The following PATJ variants were observed in gnomAD, a reference collection of about 807,000 sequenced individuals.
PATJ encodes the protein inaD-like protein.
PATJ carries 190 observed loss-of-function variants against 224.9 expected under a neutral mutation model. That is an observed-to-expected ratio of 0.84 (90% confidence interval 0.75 to 0.95). The LOEUF is 0.95. Among genes scored for constraint, PATJ ranks in the 40% least tolerant of loss-of-function variants. PATJ has a pLI of 0.00. For missense variants in PATJ, 2,121 were observed against 2,270.3 expected, an observed-to-expected ratio of 0.93 and a Z score of 1.34; for synonymous variants, 769 against 820.3, an observed-to-expected ratio of 0.94 and a Z score of 1.07.
intron 1 of PATJ, among the ~76,000 whole-genome samples, chr1:61,742,762 G>C (rs1644823073): frequency 6.6e-6 from 1 of 150,542 alleles, no homozygotes; most frequent in South Asian, 2.1e-4. Flanking sequence ...AGGATGGGGC[G>C]CCCGCGGCGT....
intron 26 of PATJ, among the ~76,000 whole-genome samples, chr1:61,926,825 CATTGGCCACTT>C (rs1293639619): frequency 1.3e-5 from 2 of 152,206 alleles, no homozygotes; most frequent in Non-Finnish European, 2.9e-5. Flanking sequence ...ATGGACCACT[CATTGGCCACTT>C]ACTGAAGTGT....
chr1:61,937,830 A>G (rs1443373476), intron 27 of PATJ, among the ~76,000 whole-genome samples: 1 of 151,958 alleles, frequency 6.6e-6, no homozygotes, highest in African/African-American at 2.4e-5. Flanking sequence ...TTGTGTTTTT[A>G]GTAGCGATAG....
At chr1:62,097,365 C>T (rs1017949451) in intron 33 of PATJ, among the ~76,000 whole-genome samples, 2 of 152,130 alleles carry the variant, frequency 1.3e-5, no homozygotes, top group Non-Finnish European at 2.9e-5. Context: ...TTTCCAGATT[C>T]CTTGAATCCA....
intron 29 of PATJ, among the ~76,000 whole-genome samples, chr1:62,032,069 T>A (rs1649423748): frequency 6.6e-6 from 1 of 152,178 alleles, no homozygotes; most frequent in Non-Finnish European, 1.5e-5. Context: ...TAGGTCAGAA[T>A]GCTGGCATGA....
chr1:61,856,286 G>A (rs776660083), intron 18 of PATJ, 47 bp downstream of exon 18: 3 of 1,471,230 alleles, frequency 2.0e-6, no homozygotes, highest in South Asian at 1.1e-5. Flanking sequence ...TAGTGCAACA[G>A]TTAAAAACAT....
intron 34 of PATJ, among the ~76,000 whole-genome samples, chr1:62,113,260 G>A (rs893281208): frequency 6.6e-6 from 1 of 152,148 alleles, no homozygotes; most frequent in Admixed American, 6.6e-5. Context: ...AAGACTTCAA[G>A]GGGTCTTGGA....
intron 25 of PATJ, among the ~76,000 whole-genome samples, chr1:61,913,060 G>A (rs1259545702): frequency 1.3e-5 from 2 of 152,194 alleles, no homozygotes; most frequent in Non-Finnish European, 2.9e-5. Flanking sequence ...TAAATGACAC[G>A]TTTCTGAGAC....
intron 15 of PATJ, among the ~76,000 whole-genome samples, chr1:61,826,340 G>T (rs1329639107): frequency 6.6e-6 from 1 of 152,200 alleles, no homozygotes; most frequent in African/African-American, 2.4e-5. Context: ...GTAAAGTCAG[G>T]CTGGCCAGTT....
At chr1:62,032,502 T>C (rs953415576) in intron 29 of PATJ, among the ~76,000 whole-genome samples, 1 of 152,206 alleles carries the variant, frequency 6.6e-6, no homozygotes, top group Non-Finnish European at 1.5e-5. Context: ...AGTTTAATTA[T>C]GGAAGTGAAA....
chr1:62,113,643 TAAAC>T lies in PATJ; in HGVS notation c.4462-406_4462-403del, dbSNP rs139112006. On this transcript the variant is annotated intron_variant, in intron 34 of 43. Transcript: ENST00000642238. ...CAGAGCAAGACCCTATCTAAAAAAA[TAAAC>T]AAATAAATGAGAGTGAAGATGTCAT... Among the ~76,000 whole-genome samples the T allele has an allele frequency of 8.3e-3, 1,268 of 152,060 alleles. 14 individuals are homozygous for T. Among genetic ancestry groups the T allele is most frequent in the African/African-American group, 0.029 (1,207 of 41,500 alleles).
At chr1:61,973,247 G>C (rs1196003100) in intron 27 of PATJ, among the ~76,000 whole-genome samples, 2 of 151,868 alleles carry the variant, frequency 1.3e-5, no homozygotes, top group African/African-American at 2.4e-5. Flanking sequence ...GTGGGGCTGC[G>C]AGCAATAAAT....
At chr1:61,961,982 AAAAG>A (rs1231810786) in intron 27 of PATJ, among the ~76,000 whole-genome samples, 1 of 151,210 alleles carries the variant, frequency 6.6e-6, no homozygotes, top group African/African-American at 2.4e-5. Context: ...AAAAAAAAAA[AAAAG>A]AAAGAAAAGA....
At chr1:62,054,587 T>C (rs982345124) in intron 31 of PATJ, among the ~76,000 whole-genome samples, 3 of 152,180 alleles carry the variant, frequency 2.0e-5, no homozygotes, top group Admixed American at 6.5e-5. Context: ...TTGTGAAACA[T>C]AGATTCTGAT....
chr1:61,953,514 T>C (rs979733236), intron 27 of PATJ, among the ~76,000 whole-genome samples: 1 of 152,328 alleles, frequency 6.6e-6, no homozygotes, highest in African/African-American at 2.4e-5. Context: ...AATTCTGTTA[T>C]TTTGATTTGG....
intron 9 of PATJ, among the ~76,000 whole-genome samples, chr1:61,794,843 C>G (rs1021532508): frequency 1.3e-5 from 2 of 151,830 alleles, no homozygotes; most frequent in African/African-American, 2.4e-5. Flanking sequence ...CGAAAGTTAT[C>G]TGGGTGTGGT....
chr1:61,820,856 G>C (rs1029274345), intron 14 of PATJ, among the ~76,000 whole-genome samples: 2 of 152,086 alleles, frequency 1.3e-5, no homozygotes, highest in Non-Finnish European at 2.9e-5. Context: ...GCAGAGATGA[G>C]TGGTAAACTG....
intron 27 of PATJ, among the ~76,000 whole-genome samples, chr1:61,959,317 C>T (rs1680885369): frequency 6.6e-6 from 1 of 150,700 alleles, no homozygotes; most frequent in African/African-American, 2.4e-5. Context: ...TACAATAAAA[C>T]TTAAGAAAGA....
intron 16 of PATJ, among the ~76,000 whole-genome samples, chr1:61,829,697 G>A (rs1658965520): frequency 6.6e-6 from 1 of 152,180 alleles, no homozygotes; most frequent in Non-Finnish European, 1.5e-5. Context: ...GTAATTGTGT[G>A]TGGTTTCTTA....
intron 27 of PATJ, among the ~76,000 whole-genome samples, chr1:61,969,903 G>A (rs779135402): frequency 6.6e-6 from 1 of 151,706 alleles, no homozygotes; most frequent in Non-Finnish European, 1.5e-5. Context: ...CATGTTGGCC[G>A]GACTGGTCTC....
Sources: allele counts gnomAD v4.1 joint callset (sites outside exome capture counted in the v4.1 genomes callset), GRCh38; gene constraint gnomAD v4.1.1; transcripts MANE v1.5; gene names NCBI Gene and HGNC (gene_info 2026-07-23, HGNC 2026-07-21).